The following MMP27 variants were observed in gnomAD, a reference collection of about 807,000 sequenced individuals.
MMP27 encodes the protein matrix metallopeptidase 27.
MMP27 carries 51 observed loss-of-function variants against 48.1 expected under a neutral mutation model. That is an observed-to-expected ratio of 1.06 (90% CI 0.85 to 1.34). The LOEUF is 1.34. Among genes scored for constraint, MMP27 ranks in the 40% most tolerant of loss-of-function variants. The pLI is 0.00. For synonymous variants in MMP27, 229 were observed against 208.9 expected (o/e 1.10, Z -0.83); for missense variants, 698 against 619.3 (o/e 1.13, Z -1.35).
intron 2 of MMP27, among the ~76,000 whole-genome samples, chr11:102,703,937 A>G (rs1860995552): frequency 6.6e-6 from 1 of 152,220 alleles, no homozygotes; most frequent in Non-Finnish European, 1.5e-5. Context: ...AGCACTCAGT[A>G]AGATGAAAGA....
rs1861018512 is a variant in MMP27, at chr11:102,704,909, A to T, written c.103-134T>A. 5 of 612,472 alleles carry T rather than the reference A, an allele frequency of 8.2e-6. No individual in the cohort carries two copies. The South Asian group carries it at 1.0e-4, about 13-fold the overall frequency. 37.9% of individuals were successfully genotyped at this position (612,472 alleles called of 1,614,324 possible). ...GGGGAAAAAAAAGAAGTAATGAGAG[A>T]AAGTGAGGAGTGAAGGAGGAAAGAA... On this transcript the variant is annotated intron_variant, in intron 1 of 9. Transcript: ENST00000260229.
intron 4 of MMP27, among the ~76,000 whole-genome samples, chr11:102,700,050 T>C (rs982151948): frequency 1.1e-4 from 17 of 152,222 alleles, no homozygotes; most frequent in African/African-American, 3.9e-4. Flanking sequence ...CTGATCCTAC[T>C]GATTTTAGTT....
At chr11:102,694,944 G>A (rs752899909) in intron 7 of MMP27, 23 bp downstream of exon 7, 4 of 1,612,788 alleles carry the variant, frequency 2.5e-6, no homozygotes, top group African/African-American at 1.3e-5. Flanking sequence ...AGGGAGAAGA[G>A]GAATCGGGAT....
intron 8 of MMP27, among the ~76,000 whole-genome samples, chr11:102,693,535 C>T (rs1276288): frequency 0.42 from 63,346 of 151,968 alleles, 14,006 homozygotes; most frequent in East Asian, 0.61. Flanking sequence ...GTAATCCCAG[C>T]ACTTTGAGAG....
In MMP27 at chr11:102,694,881, TGAA is replaced by T. The variant is rs1354504327; in HGVS notation, c.1033+83_1033+85del. On this transcript the variant is annotated intron_variant, in intron 7 of 9. Coordinates refer to ENST00000260229, the MANE Select transcript of MMP27 (RefSeq NM_022122.3). ...AAAGCCCTGCGCCTTGGCTCATGCATGAAGATTTTATTTCTTACACCAAAATAT... is the reference window on the plus strand; with the variant it reads ...AAAGCCCTGCGCCTTGGCTCATGCATGATTTTATTTCTTACACCAAAATAT... The T allele has an allele frequency of 3.9e-6, 6 of 1,520,578 alleles. No individual in the cohort carries two copies. The Middle Eastern group carries it at 5.2e-4, about 132-fold the overall frequency. 94.2% of individuals were successfully genotyped at this position (1,520,578 alleles called of 1,614,324 possible).
chr11:102,696,957 A>C, intron 4 of MMP27, 122 bp from the exon 5 acceptor site: 1 of 979,632 alleles, frequency 1.0e-6, no homozygotes, highest in South Asian at 1.7e-5. Flanking sequence ...GATAATTCTC[A>C]TATGTACCAC....
At chr11:102,702,561 C>G (rs775308746) in intron 4 of MMP27, among the ~76,000 whole-genome samples, 192 bp downstream of exon 4, 1 of 152,200 alleles carries the variant, frequency 6.6e-6, no homozygotes, top group Non-Finnish European at 1.5e-5. Flanking sequence ...ATAATGAAGA[C>G]TGCTCTGATC....
At chr11:102,696,882 A>C (rs778120463) in intron 4 of MMP27, 47 bp from the exon 5 acceptor site, 93 of 1,571,752 alleles carry the variant, frequency 5.9e-5, no homozygotes, top group Non-Finnish European at 9.5e-6. Flanking sequence ...AATCAAAAAG[A>C]GAATGGCTGC....
rs983059358 is a variant in MMP27, at chr11:102,696,250, T to C, written c.902+121A>G. 3 of 946,526 alleles carry C rather than the reference T, an allele frequency of 3.2e-6. No individual in the cohort carries two copies. In the Admixed American group the frequency reaches 6.4e-5, roughly 20 times the overall value. The allele number at this position is 946,526 out of a possible 1,614,324, so 58.6% of individuals were successfully genotyped here. On this transcript the variant is annotated intron_variant, in intron 6 of 9. Transcript: ENST00000260229. ...TAAAGCATTCAAACAGTATAGGCAG[T>C]TATAAAATGAAGATAAAAGGCACAC...
intron 6 of MMP27, among the ~76,000 whole-genome samples, chr11:102,695,664 C>T (rs760437357): frequency 2.0e-5 from 3 of 152,158 alleles, no homozygotes; most frequent in South Asian, 2.1e-4. Context: ...GTGATTGTAA[C>T]GCGATATATT....
At chr11:102,697,127 T>TA (rs1200362568) in intron 4 of MMP27, among the ~76,000 whole-genome samples, 7 of 152,228 alleles carry the variant, frequency 4.6e-5, no homozygotes, top group Admixed American at 3.9e-4. Flanking sequence ...GTATAGCCTC[T>TA]TGCTCCCAGG....
In MMP27 at chr11:102,695,040, T is replaced by A. The variant is rs1453056055; in HGVS notation, c.960A>T (p.Ser320=). ...ITDVEFELIA[S]FWPSLPADLQ... is the part of the protein sequence containing the mutation. ...GATCAGCTGGCAGAGATGGCCAGAA[T>A]GAAGCAATTAATTCAAACTCAACAT... Residue 320 remains serine, a synonymous_variant, in exon 7 of 10, where the codon TCA becomes TCT. Transcript: ENST00000260229. 6.2e-7 allele frequency: 1 copy of A among 1,613,882 alleles called. No homozygotes were observed. Among genetic ancestry groups the A allele is most frequent in the Non-Finnish European group, 8.5e-7 (1 of 1,179,970 alleles).
chr11:102,693,854 G>A (rs1191233588), intron 8 of MMP27, 52 bp downstream of exon 8: 3 of 1,428,358 alleles, frequency 2.1e-6, no homozygotes, highest in African/African-American at 1.5e-5. Context: ...TGATGCTATT[G>A]TGAATATTTT....
chr11:102,694,636 T>G (rs1371405693), intron 7 of MMP27, among the ~76,000 whole-genome samples: 1 of 152,234 alleles, frequency 6.6e-6, no homozygotes, highest in Non-Finnish European at 1.5e-5. Context: ...CTGAAATTTA[T>G]AGTGTCCTAT....
chr11:102,694,458 A>T (rs1222707717), intron 7 of MMP27, among the ~76,000 whole-genome samples: 1 of 152,220 alleles, frequency 6.6e-6, no homozygotes, highest in Non-Finnish European at 1.5e-5. Flanking sequence ...CCTAAGTTTC[A>T]GCCCCCAAGT....
intron 9 of MMP27, 59 bp downstream of exon 9, chr11:102,692,879 T>G: frequency 7.0e-7 from 1 of 1,434,540 alleles, no homozygotes; most frequent in Admixed American, 1.9e-5. Flanking sequence ...TTGTGCTGTC[T>G]TTTTTCACAG....
intron 6 of MMP27, among the ~76,000 whole-genome samples, chr11:102,695,556 T>G (rs1860808908): frequency 6.6e-6 from 1 of 152,190 alleles, no homozygotes; most frequent in Admixed American, 6.5e-5. Context: ...TGAAAAGTCC[T>G]TATATTCCAT....
In MMP27 at chr11:102,693,018, A is replaced by G. The variant is rs759579745; in HGVS notation, c.1217T>C (p.Met406Thr). The change falls in exon 9 of 10, where the codon ATG (methionine) becomes ACG (threonine). Residue 406 changes from methionine (M) to threonine (T), a missense_variant. Met to Thr is a moderately conservative substitution (Grantham distance 81). Transcript: ENST00000260229. ...CACTCTCTGCGGGAACCCTTTGTCC[A>G]TGGTTTGGGTCATTTCATCAAACCT... Reference protein sequence around the residue: ...CWRFDEMTQTMDKGFPQRVVK... With the variant: ...CWRFDEMTQTTDKGFPQRVVK... 1.9e-6 allele frequency: 3 copies of G among 1,613,700 alleles called. No individual in the cohort carries two copies. Among genetic ancestry groups the G allele is most frequent in the Non-Finnish European group, 2.5e-6 (3 of 1,179,742 alleles).
intron 4 of MMP27, among the ~76,000 whole-genome samples, chr11:102,697,180 C>A (rs35594127): frequency 1.3e-5 from 2 of 152,098 alleles, no homozygotes; most frequent in African/African-American, 4.8e-5. Context: ...ATATTATAGG[C>A]AATTGTAGCA....
Sources: allele counts gnomAD v4.1 joint callset (sites outside exome capture counted in the v4.1 genomes callset), GRCh38; gene constraint gnomAD v4.1.1; transcripts MANE v1.5; gene names NCBI Gene and HGNC (gene_info 2026-07-23, HGNC 2026-07-21).